The following FHIT variants were observed in gnomAD, a reference collection of about 807,000 sequenced individuals.
FHIT encodes the protein bis(5'-adenosyl)-triphosphatase.
A neutral mutation model predicts 17.9 loss-of-function variants in FHIT; 19 were observed. The observed-to-expected ratio is 1.06, with a 90% CI of 0.74 to 1.56. The LOEUF (loss-of-function observed/expected upper bound fraction) is 1.56. FHIT is among the 40% of genes most tolerant of loss of function. The probability of loss-of-function intolerance (pLI) is 0.00; values close to 1 mark genes in which losing one functional copy is unlikely to be tolerated. For missense variants in FHIT, 248 were observed against 189.2 expected, an observed-to-expected ratio of 1.31 and a Z score of -1.82; for synonymous variants, 81 against 69.7, an observed-to-expected ratio of 1.16 and a Z score of -0.81.
intron 3 of FHIT, among the ~76,000 whole-genome samples, chr3:60,938,264 G>A (rs1708273337): frequency 6.6e-6 from 1 of 152,142 alleles, no homozygotes. Flanking sequence ...TTCCTACTGT[G>A]TTGTGCTATG....
intron 8 of FHIT, among the ~76,000 whole-genome samples, chr3:59,832,504 T>C (rs1266849388): frequency 6.6e-6 from 1 of 152,188 alleles, no homozygotes; most frequent in Non-Finnish European, 1.5e-5. Context: ...GAAATATCCA[T>C]GTCTACATAG....
intron 5 of FHIT, among the ~76,000 whole-genome samples, chr3:60,246,973 T>C (rs1260243308): frequency 6.6e-6 from 1 of 152,162 alleles, no homozygotes; most frequent in Non-Finnish European, 1.5e-5. Context: ...TTCTGTATGA[T>C]ACTCTAATGG....
chr3:61,201,974 G>A (rs1019447305), intron 1 of FHIT, among the ~76,000 whole-genome samples: 1 of 150,934 alleles, frequency 6.6e-6, no homozygotes, highest in African/African-American at 2.5e-5. Flanking sequence ...GTGTGTGTAT[G>A]TATATACATA....
chr3:60,282,638 G>C (rs1195854162), intron 5 of FHIT, among the ~76,000 whole-genome samples: 1 of 152,052 alleles, frequency 6.6e-6, no homozygotes, highest in Non-Finnish European at 1.5e-5. Flanking sequence ...CTAATGCAAG[G>C]TATTAATAGT....
intron 7 of FHIT, among the ~76,000 whole-genome samples, chr3:59,942,808 C>G (rs1161736559): frequency 6.6e-6 from 1 of 152,070 alleles, no homozygotes; most frequent in Non-Finnish European, 1.5e-5. Flanking sequence ...ACCACATTGG[C>G]TAATATTTTT....
At position 60,222,027 on chromosome 3, in the gene FHIT, C is replaced by T. The variant is rs564912928; in HGVS notation, c.104-207875G>A. On this transcript the variant is annotated intron_variant, in intron 5 of 9. Transcript: ENST00000492590. ...CTTTCCTATTATCACCTCCCCAGTA[C>T]GTGGAACAGATACTGGTAGGCAGTA... Among the ~76,000 whole-genome samples, 7 of 152,186 alleles carry T rather than the reference C, an allele frequency of 4.6e-5. No individual in the cohort carries two copies. In the East Asian group the frequency reaches 7.7e-4, roughly 17 times the overall value.
intron 8 of FHIT, among the ~76,000 whole-genome samples, chr3:59,896,775 A>C (rs985054905): frequency 6.6e-6 from 1 of 152,228 alleles, no homozygotes; most frequent in Non-Finnish European, 1.5e-5. Context: ...ACTGTGAAAG[A>C]AAATAATTAA....
At chr3:61,195,758 G>A (rs1470327375) in intron 2 of FHIT, among the ~76,000 whole-genome samples, 1 of 152,128 alleles carries the variant, frequency 6.6e-6, no homozygotes, top group Non-Finnish European at 1.5e-5. Flanking sequence ...ACACTTACTA[G>A]CTATGTGACC....
intron 4 of FHIT, among the ~76,000 whole-genome samples, chr3:60,699,529 C>A (rs1164722166): frequency 1.3e-5 from 2 of 151,954 alleles, no homozygotes; most frequent in Non-Finnish European, 2.9e-5. Context: ...TATTCAGATA[C>A]GTTTCAAATG....
intron 3 of FHIT, among the ~76,000 whole-genome samples, chr3:60,988,577 G>C (rs929880114): frequency 2.6e-5 from 4 of 152,132 alleles, no homozygotes; most frequent in Non-Finnish European, 4.4e-5. Context: ...GATTTTAAGG[G>C]CAAATGAGAG....
chr3:61,212,545 T>C (rs1253093470), intron 1 of FHIT, among the ~76,000 whole-genome samples: 1 of 152,160 alleles, frequency 6.6e-6, no homozygotes, highest in African/African-American at 2.4e-5. Flanking sequence ...CTGAAAGTGA[T>C]GGGGAGAATG....
At chr3:60,902,059 T>C (rs1274869855) in intron 3 of FHIT, among the ~76,000 whole-genome samples, 1 of 152,204 alleles carries the variant, frequency 6.6e-6, no homozygotes, top group Non-Finnish European at 1.5e-5. Context: ...TTTTAGTATA[T>C]ATTTATATGA....
At chr3:61,072,815 TAA>T (rs1178015493) in intron 2 of FHIT, among the ~76,000 whole-genome samples, 1 of 151,764 alleles carries the variant, frequency 6.6e-6, no homozygotes, top group Non-Finnish European at 1.5e-5. Flanking sequence ...AAATAAAAAA[TAA>T]AAAAAAGTCT....
At chr3:61,169,309 T>C (rs1866434) in intron 2 of FHIT, among the ~76,000 whole-genome samples, 1 of 151,884 alleles carries the variant, frequency 6.6e-6, no homozygotes, top group Non-Finnish European at 1.5e-5. Flanking sequence ...TCATCTTAAC[T>C]CTCTTTTAGT....
chr3:60,960,382 T>G (rs559730424), intron 3 of FHIT, among the ~76,000 whole-genome samples: 2 of 152,318 alleles, frequency 1.3e-5, no homozygotes, highest in East Asian at 3.9e-4. Flanking sequence ...AAAACTACAA[T>G]GAGAAACATC....
intron 3 of FHIT, among the ~76,000 whole-genome samples, chr3:60,942,559 TTCTCTCTC>T (rs139616033): frequency 6.6e-6 from 1 of 150,498 alleles, no homozygotes; most frequent in African/African-American, 2.4e-5. Flanking sequence ...CTGTTTGTAT[TTCTCTCTC>T]TCTCTCTCTC....
At chr3:60,824,915 A>C (rs910930533) in intron 3 of FHIT, among the ~76,000 whole-genome samples, 3 of 152,160 alleles carry the variant, frequency 2.0e-5, no homozygotes, top group African/African-American at 7.2e-5. Flanking sequence ...AAATTGCCCA[A>C]TCTCCAGTAT....
chr3:60,798,448 G>C (rs1701068274), intron 4 of FHIT, among the ~76,000 whole-genome samples: 1 of 152,084 alleles, frequency 6.6e-6, no homozygotes, highest in Non-Finnish European at 1.5e-5. Context: ...TAAAAACTAG[G>C]GCTTCACCTA....
At chr3:60,331,347 G>C (rs1709967370) in intron 5 of FHIT, among the ~76,000 whole-genome samples, 1 of 152,010 alleles carries the variant, frequency 6.6e-6, no homozygotes, top group African/African-American at 2.4e-5. Flanking sequence ...TAAGTGCCAA[G>C]TTTCATGTTT....
Sources: allele counts gnomAD v4.1 joint callset (sites outside exome capture counted in the v4.1 genomes callset), GRCh38; gene constraint gnomAD v4.1.1; transcripts MANE v1.5; gene names NCBI Gene and HGNC (gene_info 2026-07-23, HGNC 2026-07-21).